Variants in TMEM51 observed in about 807,000 individuals in gnomAD.
TMEM51 encodes chromosome 1 open reading frame 72.
Under a neutral mutation model 13.6 loss-of-function variants are expected in TMEM51, and 8 were observed. The ratio of observed to expected loss-of-function variants is 0.59; its 90% CI spans 0.35 to 1.07. The LOEUF is 1.07. TMEM51 is among the 50% of genes least tolerant of loss of function. The probability of loss-of-function intolerance (pLI) is 0.02; values close to 1 mark genes in which losing one functional copy is unlikely to be tolerated. For synonymous variants in TMEM51, 147 were observed against 144.4 expected, an observed-to-expected ratio of 1.02 and a Z score of -0.13; for missense variants, 279 against 330.7, an observed-to-expected ratio of 0.84 and a Z score of 1.21.
chr1:15,202,540 G>C (rs757724316), intron 1 of TMEM51, among the ~76,000 whole-genome samples: 11 of 152,168 alleles, frequency 7.2e-5, no homozygotes, highest in Non-Finnish European at 1.0e-4. Flanking sequence ...GCGTCTTCTT[G>C]CCTTTTCCAG....
At chr1:15,192,173 C>G in intron 1 of TMEM51, 2 of 395,880 alleles carry the variant, frequency 5.1e-6, no homozygotes, top group East Asian at 6.1e-5. Context: ...TTTAGTCTGC[C>G]GGCTGCAAAG....
chr1:15,211,830 C>G (rs1644344000), intron 2 of TMEM51, among the ~76,000 whole-genome samples: 1 of 73,772 alleles, frequency 1.4e-5, no homozygotes, highest in Non-Finnish European at 3.6e-5. Flanking sequence ...GACCCCCCCC[C>G]CCCCCCCGGG....
chr1:15,187,878 C>T (rs954880008), intron 1 of TMEM51, among the ~76,000 whole-genome samples: 1 of 152,180 alleles, frequency 6.6e-6, no homozygotes, highest in African/African-American at 2.4e-5. Context: ...CAGAGCCTGA[C>T]TCTCAGCCCC....
At chr1:15,169,591 A>T (rs1347833818) in intron 1 of TMEM51, among the ~76,000 whole-genome samples, 1 of 152,188 alleles carries the variant, frequency 6.6e-6, no homozygotes, top group East Asian at 1.9e-4. Flanking sequence ...AGGAAGTTTG[A>T]GACATTTCAG....
chr1:15,200,775 G>A lies in TMEM51; in HGVS notation c.-266-9715G>A, dbSNP rs567425679. ...TCAATTATTTACAACACATCCAGAT[G>A]AGTATCAGAGCTGCAGGGGACTGAA... On this transcript the variant is annotated intron_variant, in intron 1 of 3. Transcript: ENST00000376008. Among the ~76,000 whole-genome samples the A allele has an allele frequency of 3.3e-5, 5 of 152,242 alleles. No homozygotes were observed. The South Asian group carries it at 1.0e-3, about 32-fold the overall frequency.
chr1:15,199,511 T>C (rs7523443), intron 1 of TMEM51, among the ~76,000 whole-genome samples: 27,536 of 152,172 alleles, frequency 0.18, 2,599 homozygotes, highest in Non-Finnish European at 0.2. Context: ...GGAATCATAA[T>C]GCCAGCTTTC....
At chr1:15,188,967 T>G (rs1039098060) in intron 1 of TMEM51, among the ~76,000 whole-genome samples, 1 of 152,172 alleles carries the variant, frequency 6.6e-6, no homozygotes, top group African/African-American at 2.4e-5. Context: ...GGGTCCACCC[T>G]TACTGGGCAG....
At chr1:15,183,331 T>C (rs1643676571) in intron 1 of TMEM51, among the ~76,000 whole-genome samples, 1 of 152,206 alleles carries the variant, frequency 6.6e-6, no homozygotes, top group Non-Finnish European at 1.5e-5. Flanking sequence ...GATTTACAAA[T>C]AAGGCAGTAT....
At chr1:15,171,111 C>G (rs1203578254) in intron 1 of TMEM51, 2 of 1,110,766 alleles carry the variant, frequency 1.8e-6, no homozygotes, top group Admixed American at 2.4e-5. Context: ...CTCCACCCCC[C>G]GCCACATCCC....
intron 1 of TMEM51, among the ~76,000 whole-genome samples, chr1:15,163,638 T>TTTTTTTTTTTTTTGAGACA (rs1553197690): frequency 5.2e-4 from 78 of 151,272 alleles, no homozygotes; most frequent in Non-Finnish European, 7.2e-4. Context: ...TGTTATTTTT[T>TTTTTTTTTTTTTTGAGACA]GTAATAATAG....
intron 1 of TMEM51, among the ~76,000 whole-genome samples, chr1:15,201,064 A>G (rs1407158300): frequency 6.6e-6 from 1 of 152,226 alleles, no homozygotes; most frequent in Non-Finnish European, 1.5e-5. Flanking sequence ...ACTGGGCACA[A>G]TTCCTTCATC....
At chr1:15,196,743 T>C (rs1301840247) in intron 1 of TMEM51, among the ~76,000 whole-genome samples, 1 of 152,216 alleles carries the variant, frequency 6.6e-6, no homozygotes, top group East Asian at 1.9e-4. Flanking sequence ...GTTTTCCCAG[T>C]TTCCAATTTA....
intron 1 of TMEM51, among the ~76,000 whole-genome samples, chr1:15,187,442 A>G (rs2100258067): frequency 6.6e-6 from 1 of 152,252 alleles, no homozygotes; most frequent in South Asian, 2.1e-4. Context: ...GGCATGCAGG[A>G]GGCTGAGGGC....
At position 15,161,776 on chromosome 1, in the gene TMEM51, A is replaced by G. The variant is rs1367110924; in HGVS notation, c.-267+7822A>G. On this transcript the variant is annotated intron_variant, in intron 1 of 3. Transcript: ENST00000376008. The surrounding 1 kb of genome is among the most constrained non-coding windows in gnomAD (Gnocchi z 4.0). ...AAACCCAGTCTTTACTAAAAATACA[A>G]AAATTAGCCAGGCATGGTGGCGGGC... 6.6e-6 allele frequency among the ~76,000 whole-genome samples: 1 copy of G among 151,840 alleles called. No individual in the cohort carries two copies. The highest frequency in any genetic ancestry group is 2.4e-5 in the African/African-American group (1 of 41,192).
chr1:15,168,362 AT>A, intron 1 of TMEM51: 1 of 1,034,764 alleles, frequency 9.7e-7, no homozygotes, highest in South Asian at 1.6e-5. Flanking sequence ...AAGAAGGGGA[AT>A]GGGGAAGAAA....
intron 1 of TMEM51, among the ~76,000 whole-genome samples, chr1:15,174,639 A>C (rs1027620735): frequency 6.6e-6 from 1 of 152,160 alleles, no homozygotes; most frequent in African/African-American, 2.4e-5. Flanking sequence ...ATGTCAGTAA[A>C]GGGCTCAGGT....
At position 15,215,391 on chromosome 1, in the gene TMEM51, C is replaced by A; in HGVS notation, c.304C>A (p.His102Asn). 6.2e-7 allele frequency: 1 copy of A among 1,606,036 alleles called. No homozygotes were observed. Among genetic ancestry groups the A allele is most frequent in the South Asian group, 1.1e-5 (1 of 90,064 alleles). The change falls in exon 3 of 4, where the codon CAC (histidine) becomes AAC (asparagine). Residue 102 changes from histidine (H) to asparagine (N), a missense_variant. Coordinates refer to ENST00000376008, the MANE Select transcript of TMEM51 (RefSeq NM_001136218.2). ...GGGCGAGGACCTGGCCCATGTCCAG[C>A]ACCCGACAGGCGCTGGGCCTCACGC... is the stretch of plus-strand genomic sequence containing the variant. ...RQGEDLAHVQ[H>N]PTGAGPHAQE...
intron 3 of TMEM51, 100 bp downstream of exon 3, chr1:15,215,531 A>G: frequency 8.7e-7 from 1 of 1,151,104 alleles, no homozygotes. Flanking sequence ...ACTGTCATCT[A>G]CAGGCTTTAT....
rs537249031 is a variant in TMEM51 at position 15,164,637 on chromosome 1, G to A, written c.-267+10683G>A. Among the ~76,000 whole-genome samples, 161 of 152,038 alleles carry A rather than the reference G, an allele frequency of 1.1e-3. 2 individuals are homozygous for A. Among genetic ancestry groups the A allele is most frequent in the African/African-American group, 3.7e-3 (154 of 41,378 alleles). Reference sequence around the variant, plus strand: ...GAAGGGTATTCTTTAACATGAGAGCGAAAGGCAACATTATAAAAGAGATTA... The same window carrying A: ...GAAGGGTATTCTTTAACATGAGAGCAAAAGGCAACATTATAAAAGAGATTA... On this transcript the variant is annotated intron_variant, in intron 1 of 3. Coordinates refer to ENST00000376008, the MANE Select transcript of TMEM51 (RefSeq NM_001136218.2).
Sources: allele counts gnomAD v4.1 joint callset (sites outside exome capture counted in the v4.1 genomes callset), GRCh38; gene constraint gnomAD v4.1.1; non-coding constraint Gnocchi (gnomAD v3.1); transcripts MANE v1.5; gene names NCBI Gene and HGNC (gene_info 2026-07-23, HGNC 2026-07-21).